Variants in ARGLU1 observed in about 807,000 individuals in gnomAD.
ARGLU1 encodes arginine and glutamate rich 1.
ARGLU1 carries 9 observed loss-of-function variants against 37.6 expected under a neutral mutation model. That is an observed-to-expected ratio of 0.24 (90% CI 0.14 to 0.42). ARGLU1 has a LOEUF of 0.42. Among genes scored for constraint, ARGLU1 ranks in the 10% least tolerant of loss-of-function variants. ARGLU1 has a pLI of 1.00. For missense variants in ARGLU1, 211 were observed against 359.2 expected (o/e 0.59, Z 3.34); for synonymous variants, 166 against 138.5 (o/e 1.20, Z -1.39).
Position 106,543,825 on chromosome 13 carries a change from G to GAAAAA in ARGLU1, c.*166_*170dup. ...TGATAAGGATTTGACTTAGTGGAAGGAAAAAAAAAAAAAAAAAGGGAATTG... is the reference window on the plus strand; with the variant it reads ...TGATAAGGATTTGACTTAGTGGAAGGAAAAAAAAAAAAAAAAAAAAAAGGGAATTG... On this transcript the variant is annotated 3_prime_UTR_variant, in exon 4 of 4. Coordinates refer to ENST00000400198, the MANE Select transcript of ARGLU1 (RefSeq NM_018011.4). The GAAAAA allele has an allele frequency of 7.1e-5, 29 of 408,836 alleles. No individual in the cohort carries two copies. The highest frequency in any genetic ancestry group is 1.1e-4 in the African/African-American group (4 of 37,870). 25.3% of individuals were successfully genotyped at this position (408,836 alleles called of 1,614,324 possible).
chr13:106,552,790 G>A (rs1880563580), intron 3 of ARGLU1, among the ~76,000 whole-genome samples: 1 of 151,990 alleles, frequency 6.6e-6, no homozygotes, highest in African/African-American at 2.4e-5. Context: ...CAAGAACAAA[G>A]AACAATCTGC....
Position 106,567,811 on chromosome 13 carries a change from C to G in ARGLU1, c.109G>C (p.Val37Leu). ...TCCCGAGATTTGGAACGCTTCCGCA[C>G]GCGCTCCTTGTCCCGGGATCGCGAC... ...SRSRSRDKER[V>L]RKRSKSRESK... Residue 37 changes from valine (V) to leucine (L), a missense_variant, in exon 1 of 4, where the codon GTG becomes CTG. Coordinates refer to ENST00000400198, the MANE Select transcript of ARGLU1 (RefSeq NM_018011.4). The surrounding 1 kb of genome is among the most constrained non-coding windows in gnomAD (Gnocchi z 4.3). 5 of 1,613,688 alleles carry G rather than the reference C, an allele frequency of 3.1e-6. No individual in the cohort carries two copies. Among genetic ancestry groups the G allele is most frequent in the Non-Finnish European group, 4.2e-6 (5 of 1,179,856 alleles).
chr13:106,566,788 A>G (rs76802759), intron 1 of ARGLU1, among the ~76,000 whole-genome samples: 4,781 of 152,310 alleles, frequency 0.031, 102 homozygotes, highest in South Asian at 0.076. Flanking sequence ...TCTTCTGAAG[A>G]AGCACAGTGT....
At chr13:106,546,300 G>A (rs61965340) in intron 3 of ARGLU1, among the ~76,000 whole-genome samples, 2 of 152,094 alleles carry the variant, frequency 1.3e-5, no homozygotes, top group Non-Finnish European at 2.9e-5. Flanking sequence ...CACTGTCCAT[G>A]GCATACAGCT....
chr13:106,559,431 C>T lies in ARGLU1; in HGVS notation c.573+1G>A. The T allele has an allele frequency of 6.2e-7, 1 of 1,614,032 alleles. No individual in the cohort carries two copies. Among genetic ancestry groups the T allele is most frequent in the Non-Finnish European group, 8.5e-7 (1 of 1,180,034 alleles). On this transcript the variant is annotated splice_donor_variant, in intron 2 of 3. Transcript: ENST00000400198. LOFTEE classifies it high-confidence loss of function. ...CTACTTTCCAAACGACCGAGCGTTACCTCTCTAGCTTTTTGTGCGGCAAGC... is the reference window on the plus strand; with the variant it reads ...CTACTTTCCAAACGACCGAGCGTTATCTCTCTAGCTTTTTGTGCGGCAAGC...
intron 3 of ARGLU1, among the ~76,000 whole-genome samples, chr13:106,546,221 C>T (rs942559095): frequency 1.2e-4 from 19 of 152,308 alleles, no homozygotes; most frequent in Non-Finnish European, 2.2e-4. Flanking sequence ...CCATCCTACA[C>T]GATACTGCCA....
chr13:106,562,996 A>AC (rs1398585146), intron 1 of ARGLU1, among the ~76,000 whole-genome samples: 12 of 130,010 alleles, frequency 9.2e-5, no homozygotes, highest in Non-Finnish European at 1.9e-4. Flanking sequence ...GTCTCAAAAA[A>AC]AAAAAAAAAA....
intron 3 of ARGLU1, among the ~76,000 whole-genome samples, chr13:106,553,788 T>C (rs946019153): frequency 2.0e-5 from 3 of 152,232 alleles, no homozygotes; most frequent in Non-Finnish European, 2.9e-5. Context: ...CATTGTATTA[T>C]TTTTTCAGTT....
chr13:106,544,175 T>C lies in ARGLU1; in HGVS notation c.658-15A>G, dbSNP rs756898950. Reference sequence around the variant, plus strand: ...TGTTCTTCGGCCTGAAAGTTAAAAGTAAAAATTAATTATAGAAATGTATTA... The same window carrying C: ...TGTTCTTCGGCCTGAAAGTTAAAAGCAAAAATTAATTATAGAAATGTATTA... On this transcript the variant is annotated splice_polypyrimidine_tract_variant and intron_variant, in intron 3 of 3. Coordinates refer to ENST00000400198, the MANE Select transcript of ARGLU1 (RefSeq NM_018011.4). The C allele has an allele frequency of 6.5e-7, 1 of 1,531,430 alleles. No individual in the cohort carries two copies. The allele number at this position is 1,531,430 out of a possible 1,614,324, so 94.9% of individuals were successfully genotyped here.
chr13:106,556,793 A>G (rs942890041), intron 3 of ARGLU1, among the ~76,000 whole-genome samples: 1 of 152,304 alleles, frequency 6.6e-6, no homozygotes, highest in East Asian at 1.9e-4. Context: ...AGGAAAGAAA[A>G]AACTGGGGAT....
At chr13:106,566,406 T>C (rs1335539369) in intron 1 of ARGLU1, among the ~76,000 whole-genome samples, 1 of 152,198 alleles carries the variant, frequency 6.6e-6, no homozygotes, top group Non-Finnish European at 1.5e-5. Flanking sequence ...ACACATATAC[T>C]CGCCTCGAGA....
At chr13:106,548,404 T>C (rs995842293) in intron 3 of ARGLU1, among the ~76,000 whole-genome samples, 12 of 152,304 alleles carry the variant, frequency 7.9e-5, no homozygotes, top group African/African-American at 2.9e-4. Context: ...CTTTCCCTGC[T>C]TGTTTCACAT....
At chr13:106,545,208 AC>A (rs1221807827) in intron 3 of ARGLU1, among the ~76,000 whole-genome samples, 1 of 152,196 alleles carries the variant, frequency 6.6e-6, no homozygotes, top group Non-Finnish European at 1.5e-5. Context: ...GACAGCTCCC[AC>A]AACAAAGAAT....
In ARGLU1 at chr13:106,567,547, C is replaced by G. The variant is rs914799259; in HGVS notation, c.347+26G>C. The G allele has an allele frequency of 3.4e-5, 52 of 1,522,114 alleles. No individual in the cohort carries two copies. Among genetic ancestry groups the G allele is most frequent in the African/African-American group, 8.2e-5 (6 of 72,840 alleles). 94.3% of individuals were successfully genotyped at this position (1,522,114 alleles called of 1,614,324 possible). The stretch of plus-strand genomic sequence containing the variant: ...CCCGCGCCCTGCTCTCCGCACGCCC[C>G]GGTCCCTCCCCGCGCGGGCACTCAC... On this transcript the variant is annotated intron_variant, in intron 1 of 3. Transcript: ENST00000400198. The surrounding 1 kb of genome is among the most constrained non-coding windows in gnomAD (Gnocchi z 4.3).
chr13:106,557,171 T>C lies in ARGLU1; in HGVS notation c.574-40A>G, dbSNP rs766138004. On this transcript the variant is annotated intron_variant, in intron 2 of 3. Transcript: ENST00000400198. This position sits in a 1 kb window ranked among gnomAD's most constrained non-coding sequence, Gnocchi z 5.0. Reference sequence around the variant, plus strand: ...ATGTTAAGATATTAGAAAAACAAAATGTTTATTTTTATTGATAAATATTTA... The same window carrying C: ...ATGTTAAGATATTAGAAAAACAAAACGTTTATTTTTATTGATAAATATTTA... 7.2e-6 allele frequency: 11 copies of C among 1,518,202 alleles called. No homozygotes were observed. The highest frequency in any genetic ancestry group is 2.8e-5 in the African/African-American group (2 of 72,522). The allele number at this position is 1,518,202 out of a possible 1,614,324, so 94.0% of individuals were successfully genotyped here. A position where few individuals can be genotyped will look rare whatever the true frequency, so the allele number is the denominator to read the frequency against.
Position 106,541,916 on chromosome 13 carries a change from A to G in ARGLU1, c.*2080T>C, listed in dbSNP as rs1449820928. 4 of 152,208 alleles carry G rather than the reference A, an allele frequency of 2.6e-5. No homozygotes were observed. Among genetic ancestry groups the G allele is most frequent in the Admixed American group, 2.0e-4 (3 of 15,284 alleles). The allele number at this position is 152,208 out of a possible 1,614,324, so 9.4% of individuals were successfully genotyped here. On this transcript the variant is annotated 3_prime_UTR_variant, in exon 4 of 4. Transcript: ENST00000400198. ...AAGGCAGTGGGAACAAATGAAAAAA[A>G]CAAATTACTACATTGTTGCAGCACA...
intron 2 of ARGLU1, chr13:106,558,609 G>A: frequency 1.0e-6 from 1 of 985,394 alleles, no homozygotes; most frequent in Non-Finnish European, 1.2e-6. Flanking sequence ...GGATCCTGGA[G>A]TAATCAGTGC....
Position 106,567,005 on chromosome 13 carries a change from C to T in ARGLU1, c.347+568G>A, listed in dbSNP as rs9587160. Among the ~76,000 whole-genome samples the T allele has an allele frequency of 2.8e-3, 427 of 151,914 alleles. No homozygotes were observed. The highest frequency in any genetic ancestry group is 9.9e-3 in the African/African-American group (409 of 41,412). On this transcript the variant is annotated intron_variant, in intron 1 of 3. Coordinates refer to ENST00000400198, the MANE Select transcript of ARGLU1 (RefSeq NM_018011.4). The surrounding 1 kb of genome is among the most constrained non-coding windows in gnomAD (Gnocchi z 4.3). ...CAAGGGGAAAAAAGCAATCCCAACACCTTAACAACAGGAATACACTAAAGT... is the reference window on the plus strand; with the variant it reads ...CAAGGGGAAAAAAGCAATCCCAACATCTTAACAACAGGAATACACTAAAGT...
At chr13:106,561,946 G>A (rs887616563) in intron 1 of ARGLU1, 1 of 152,218 alleles carries the variant, frequency 6.6e-6, no homozygotes, top group Admixed American at 6.5e-5. Context: ...CCGCTGCTAA[G>A]GAGTCAATTC....
Sources: allele counts gnomAD v4.1 joint callset (sites outside exome capture counted in the v4.1 genomes callset), GRCh38; gene constraint gnomAD v4.1.1; non-coding constraint Gnocchi (gnomAD v3.1); transcripts MANE v1.5; gene names NCBI Gene and HGNC (gene_info 2026-07-23, HGNC 2026-07-21).